Variants in NXPH1 observed in about 807,000 individuals in gnomAD.
NXPH1 encodes the protein neurexophilin 1.
Under a neutral mutation model 23.7 loss-of-function variants are expected in NXPH1, and 5 were observed. The ratio of observed to expected loss-of-function variants is 0.21; its 90% CI spans 0.11 to 0.44. NXPH1 has a LOEUF of 0.44. Ranked by LOEUF, NXPH1 falls within the 20% of genes least tolerant of loss-of-function variation. The pLI is 0.99. For synonymous variants in NXPH1, 144 were observed against 122.2 expected, an observed-to-expected ratio of 1.18 and a Z score of -1.18; for missense variants, 324 against 321.6, an observed-to-expected ratio of 1.01 and a Z score of -0.06.
intron 2 of NXPH1, among the ~76,000 whole-genome samples, chr7:8,700,870 T>C (rs750463572): frequency 1.3e-5 from 2 of 152,104 alleles, no homozygotes; most frequent in African/African-American, 2.4e-5. Flanking sequence ...CTGCTTGTTT[T>C]TGCATGGCCT....
At chr7:8,525,162 A>G (rs980703850) in intron 2 of NXPH1, among the ~76,000 whole-genome samples, 5 of 152,208 alleles carry the variant, frequency 3.3e-5, no homozygotes, top group Non-Finnish European at 5.9e-5. Flanking sequence ...GATGGAGAAG[A>G]GGAACTTGTT....
chr7:8,495,166 G>T (rs1365490522), intron 2 of NXPH1, among the ~76,000 whole-genome samples: 1 of 151,826 alleles, frequency 6.6e-6, no homozygotes, highest in South Asian at 2.1e-4. Context: ...GGCAAGTCTG[G>T]AGTTTGTAGG....
chr7:8,617,044 G>A (rs146933757), intron 2 of NXPH1, among the ~76,000 whole-genome samples: 478 of 152,158 alleles, frequency 3.1e-3, no homozygotes, highest in African/African-American at 0.011. Flanking sequence ...AACTGGAGCA[G>A]TATTTGACAA....
intron 2 of NXPH1, among the ~76,000 whole-genome samples, chr7:8,686,164 C>T (rs1488698733): frequency 6.6e-6 from 1 of 152,164 alleles, no homozygotes; most frequent in Non-Finnish European, 1.5e-5. Flanking sequence ...TTCTAAAGCT[C>T]TTTGTTAGGT....
intron 2 of NXPH1, among the ~76,000 whole-genome samples, chr7:8,576,110 A>G (rs1282456344): frequency 3.3e-5 from 5 of 152,210 alleles, no homozygotes; most frequent in Admixed American, 6.5e-5. Flanking sequence ...GAACTGATGA[A>G]GAGAGATATG....
intron 2 of NXPH1, among the ~76,000 whole-genome samples, chr7:8,733,033 C>T (rs369906567): frequency 6.6e-6 from 1 of 151,994 alleles, no homozygotes; most frequent in Non-Finnish European, 1.5e-5. Context: ...CCCTAGCCCC[C>T]TACTACCTGA....
chr7:8,500,231 T>A (rs73675734), intron 2 of NXPH1, among the ~76,000 whole-genome samples: 4,415 of 152,116 alleles, frequency 0.029, 198 homozygotes, highest in African/African-American at 0.095. Flanking sequence ...AGATTCTAAA[T>A]CTAAGTTTTA....
chr7:8,625,110 G>C (rs1193679292), intron 2 of NXPH1, among the ~76,000 whole-genome samples: 2 of 152,100 alleles, frequency 1.3e-5, no homozygotes, highest in African/African-American at 4.8e-5. Flanking sequence ...TTTGACTATA[G>C]AGTCCCTATG....
chr7:8,679,611 G>A lies in NXPH1; in HGVS notation c.55-71397G>A, dbSNP rs184303046. Among the ~76,000 whole-genome samples, 10 of 152,302 alleles carry A rather than the reference G, an allele frequency of 6.6e-5. No homozygotes were observed. The East Asian group carries it at 1.9e-3, about 29-fold the overall frequency. On this transcript the variant is annotated intron_variant, in intron 2 of 2. Transcript: ENST00000405863. ...TAACTTTTGTTATTATTTTTGGTGTGAGTTGAAAGTCTTTGGTTAAGAACA... is the reference window on the plus strand; with the variant it reads ...TAACTTTTGTTATTATTTTTGGTGTAAGTTGAAAGTCTTTGGTTAAGAACA...
intron 2 of NXPH1, among the ~76,000 whole-genome samples, chr7:8,683,961 A>T (rs1333394021): frequency 6.6e-6 from 1 of 152,194 alleles, no homozygotes; most frequent in Non-Finnish European, 1.5e-5. Flanking sequence ...CTTTATAGAG[A>T]TGGCATCTGT....
chr7:8,566,933 C>T (rs1818558665), intron 2 of NXPH1, among the ~76,000 whole-genome samples: 1 of 151,744 alleles, frequency 6.6e-6, no homozygotes, highest in Non-Finnish European at 1.5e-5. Context: ...TCATCATTTA[C>T]TCAAATTGTT....
At chr7:8,731,066 C>T (rs774526521) in intron 2 of NXPH1, among the ~76,000 whole-genome samples, 2 of 149,978 alleles carry the variant, frequency 1.3e-5, no homozygotes, top group Admixed American at 6.7e-5. Context: ...CTCTAAACTT[C>T]CCTTCTCGCT....
intron 2 of NXPH1, among the ~76,000 whole-genome samples, chr7:8,482,436 G>A (rs10273122): frequency 0.59 from 89,898 of 152,006 alleles, 29,227 homozygotes; most frequent in African/African-American, 0.87. Context: ...TGTTTATATG[G>A]CACTGGGAGT....
At chr7:8,716,439 G>A (rs940856416) in intron 2 of NXPH1, among the ~76,000 whole-genome samples, 18 of 152,162 alleles carry the variant, frequency 1.2e-4, no homozygotes, top group African/African-American at 3.9e-4. Flanking sequence ...ATTATAAAAT[G>A]TCAGTGTGAC....
rs1816174919 is a variant in NXPH1 at position 8,435,452 on chromosome 7, G to A, written c.-110-152G>A. ...CGGACCGCGCGCTTGCTGGTCTCAG[G>A]CGCTGGATTTACTCGCTTTTCAATT... On this transcript the variant is annotated intron_variant, in intron 1 of 2. Coordinates refer to ENST00000405863, the MANE Select transcript of NXPH1 (RefSeq NM_152745.3). This position sits in a 1 kb window ranked among gnomAD's most constrained non-coding sequence, Gnocchi z 5.9. 1 of 548,770 alleles carries A rather than the reference G, an allele frequency of 1.8e-6. No homozygotes were observed. The highest frequency in any genetic ancestry group is 1.9e-5 in the African/African-American group (1 of 52,322). The allele number at this position is 548,770 out of a possible 1,614,324, so 34.0% of individuals were successfully genotyped here. A position where few individuals can be genotyped will look rare whatever the true frequency, so the allele number is the denominator to read the frequency against.
chr7:8,464,182 A>G lies in NXPH1; in HGVS notation c.54+28415A>G, dbSNP rs188429943. 8.6e-5 allele frequency among the ~76,000 whole-genome samples: 13 copies of G among 152,010 alleles called. No individual in the cohort carries two copies. In the East Asian group the frequency reaches 2.5e-3, roughly 29 times the overall value. Reference sequence around the variant, plus strand: ...TGTATCAGTTCCACTTTAATAATCTATCTCCATTTAACCTCCTTCTTTCTT... The same window carrying G: ...TGTATCAGTTCCACTTTAATAATCTGTCTCCATTTAACCTCCTTCTTTCTT... On this transcript the variant is annotated intron_variant, in intron 2 of 2. Coordinates refer to ENST00000405863, the MANE Select transcript of NXPH1 (RefSeq NM_152745.3).
chr7:8,672,823 G>C (rs989128397), intron 2 of NXPH1, among the ~76,000 whole-genome samples: 6 of 152,176 alleles, frequency 3.9e-5, no homozygotes, highest in African/African-American at 1.4e-4. Context: ...CCCACAGTCT[G>C]CTCTGCCATC....
In NXPH1 at chr7:8,674,162, GACAC is replaced by G. The variant is rs35790323; in HGVS notation, c.55-76807_55-76804del. Among the ~76,000 whole-genome samples the G allele has an allele frequency of 4.9e-3, 421 of 86,164 alleles. 2 individuals carry two copies. Among genetic ancestry groups the G allele is most frequent in the African/African-American group, 6.9e-3 (240 of 34,630 alleles). 56.5% of individuals were successfully genotyped at this position (86,164 alleles called of 152,430 possible). ...TGTCCCTAGTACTTACAAACATATA[GACAC>G]ACACACACACACACACACACACACA... is the stretch of plus-strand genomic sequence containing the variant. On this transcript the variant is annotated intron_variant, in intron 2 of 2. Transcript: ENST00000405863.
intron 2 of NXPH1, among the ~76,000 whole-genome samples, chr7:8,643,269 T>G (rs1172224466): frequency 1.3e-5 from 2 of 152,200 alleles, no homozygotes; most frequent in African/African-American, 4.8e-5. Context: ...TGACATTAAT[T>G]TTTAATAATA....
Sources: allele counts gnomAD v4.1 joint callset (sites outside exome capture counted in the v4.1 genomes callset), GRCh38; gene constraint gnomAD v4.1.1; non-coding constraint Gnocchi (gnomAD v3.1); transcripts MANE v1.5; gene names NCBI Gene and HGNC (gene_info 2026-07-23, HGNC 2026-07-21).